The following THSD7A variants were observed in gnomAD, a reference collection of about 807,000 sequenced individuals.
THSD7A encodes thrombospondin type-1 domain-containing protein 7A.
In THSD7A, 96 loss-of-function variants were observed where a neutral mutation model predicts 231.3. The ratio of observed to expected loss-of-function variants is 0.41; its 90% confidence interval spans 0.35 to 0.49. The LOEUF (loss-of-function observed/expected upper bound fraction) is 0.49. Ranked by LOEUF, THSD7A falls within the 20% of genes least tolerant of loss-of-function variation. The probability of loss-of-function intolerance (pLI) is 0.05; values close to 1 mark genes in which losing one functional copy is unlikely to be tolerated. For synonymous variants in THSD7A, 940 were observed against 743.3 expected (o/e 1.26, Z -4.30); for missense variants, 2,290 against 2,070.2 (o/e 1.11, Z -2.06).
rs768925469 is a variant in THSD7A at position 11,590,450 on chromosome 7, C to G, written c.1453+10G>C. 15 of 1,603,752 alleles carry G rather than the reference C, an allele frequency of 9.4e-6. No individual in the cohort carries two copies. The highest frequency in any genetic ancestry group is 1.7e-5 in the Admixed American group (1 of 58,654). ...CATAAGTGAATCCTTGAGAAGAAAGCAAAGGTTACCTTCTTTGTTCTTGTG... is the reference window on the plus strand; with the variant it reads ...CATAAGTGAATCCTTGAGAAGAAAGGAAAGGTTACCTTCTTTGTTCTTGTG... On this transcript the variant is annotated intron_variant, in intron 4 of 27. Transcript: ENST00000423059. The surrounding 1 kb of genome is among the most constrained non-coding windows in gnomAD (Gnocchi z 4.4).
intron 1 of THSD7A, among the ~76,000 whole-genome samples, chr7:11,759,649 C>CGT (rs1225062109): frequency 1.3e-5 from 2 of 151,994 alleles, no homozygotes; most frequent in East Asian, 3.9e-4. Context: ...TACACATACA[C>CGT]ATATACACAC....
chr7:11,770,933 A>G (rs775206465), intron 1 of THSD7A, among the ~76,000 whole-genome samples: 1 of 151,836 alleles, frequency 6.6e-6, no homozygotes, highest in Non-Finnish European at 1.5e-5. Flanking sequence ...ATCCATTAAT[A>G]TACAATAAAT....
At chr7:11,786,745 T>C (rs1783804609) in intron 1 of THSD7A, among the ~76,000 whole-genome samples, 1 of 137,430 alleles carries the variant, frequency 7.3e-6, no homozygotes, top group Non-Finnish European at 1.5e-5. Flanking sequence ...ACCCTAAAAC[T>C]TAGAGTATAA....
At chr7:11,460,436 A>G (rs1785462042) in intron 11 of THSD7A, among the ~76,000 whole-genome samples, 1 of 152,196 alleles carries the variant, frequency 6.6e-6, no homozygotes, top group Admixed American at 6.5e-5. Context: ...TTTCTTTCAG[A>G]CATAAATGAG....
At chr7:11,684,678 G>A (rs1324203533) in intron 1 of THSD7A, among the ~76,000 whole-genome samples, 1 of 151,902 alleles carries the variant, frequency 6.6e-6, no homozygotes, top group East Asian at 1.9e-4. Flanking sequence ...AACCAAGCAG[G>A]TGAAAGATCT....
intron 6 of THSD7A, among the ~76,000 whole-genome samples, chr7:11,522,295 G>T (rs921950496): frequency 2.0e-5 from 3 of 152,042 alleles, no homozygotes; most frequent in African/African-American, 7.2e-5. Context: ...GTTTCCCCAA[G>T]GCCATGGGCA....
intron 23 of THSD7A, among the ~76,000 whole-genome samples, chr7:11,393,176 G>A (rs1019632155): frequency 2.0e-5 from 3 of 152,222 alleles, no homozygotes; most frequent in African/African-American, 7.2e-5. Flanking sequence ...CTGGGATGAA[G>A]TTTTCAGAGG....
chr7:11,665,410 A>T (rs542615798), intron 1 of THSD7A, among the ~76,000 whole-genome samples: 1 of 152,234 alleles, frequency 6.6e-6, no homozygotes, highest in East Asian at 1.9e-4. Flanking sequence ...CTAAAACCCC[A>T]GAGGAAAATA....
At position 11,637,081 on chromosome 7, in the gene THSD7A, A is replaced by C; in HGVS notation, c.191-120T>G. ...TAACTTCCCTGCGGTGTTACAAAGT[A>C]GGTCTCTGGACACGACTGTTGGAAA... On this transcript the variant is annotated intron_variant, in intron 1 of 27. Coordinates refer to ENST00000423059, the MANE Select transcript of THSD7A (RefSeq NM_015204.3). This position sits in a 1 kb window ranked among gnomAD's most constrained non-coding sequence, Gnocchi z 4.2. The C allele has an allele frequency of 2.2e-6, 2 of 901,944 alleles. No homozygotes were observed. Among genetic ancestry groups the C allele is most frequent in the Non-Finnish European group, 3.3e-6 (2 of 604,666 alleles). The allele number at this position is 901,944 out of a possible 1,614,324, so 55.9% of individuals were successfully genotyped here. A position where few individuals can be genotyped will look rare whatever the true frequency, so the allele number is the denominator to read the frequency against.
chr7:11,698,858 G>T (rs1456305067), intron 1 of THSD7A, among the ~76,000 whole-genome samples: 1 of 151,314 alleles, frequency 6.6e-6, no homozygotes, highest in African/African-American at 2.4e-5. Context: ...CGTAGAAGTG[G>T]AGAATCAGAT....
intron 6 of THSD7A, among the ~76,000 whole-genome samples, chr7:11,515,490 A>T (rs1238588391): frequency 6.6e-6 from 1 of 152,164 alleles, no homozygotes; most frequent in African/African-American, 2.4e-5. Context: ...GCCATAAATA[A>T]GCACAATATC....
chr7:11,428,708 C>G (rs1006443952), intron 14 of THSD7A, among the ~76,000 whole-genome samples: 1 of 152,092 alleles, frequency 6.6e-6, no homozygotes, highest in African/African-American at 2.4e-5. Context: ...TGTCATTTTT[C>G]TCCCCATTGA....
intron 1 of THSD7A, among the ~76,000 whole-genome samples, chr7:11,683,919 CA>C (rs986669307): frequency 2.2e-4 from 33 of 151,518 alleles, no homozygotes; most frequent in African/African-American, 8.0e-4. Context: ...GACACAATAA[CA>C]ACAACAACAA....
intron 4 of THSD7A, among the ~76,000 whole-genome samples, chr7:11,552,670 G>C (rs1412259170): frequency 1.3e-5 from 2 of 152,096 alleles, no homozygotes; most frequent in Non-Finnish European, 2.9e-5. Flanking sequence ...TTGAGCTGCA[G>C]TCATAGAAGC....
chr7:11,439,306 G>A (rs575610453), intron 13 of THSD7A, among the ~76,000 whole-genome samples: 20 of 152,028 alleles, frequency 1.3e-4, no homozygotes, highest in African/African-American at 3.9e-4. Flanking sequence ...TTTGCAGATC[G>A]TGCATTTTTT....
intron 4 of THSD7A, among the ~76,000 whole-genome samples, chr7:11,555,343 T>G (rs975090504): frequency 6.6e-6 from 1 of 152,030 alleles, no homozygotes; most frequent in African/African-American, 2.4e-5. Flanking sequence ...CACACATTGA[T>G]TGTTTAGAAG....
At chr7:11,691,311 A>G (rs1700836856) in intron 1 of THSD7A, among the ~76,000 whole-genome samples, 2 of 151,572 alleles carry the variant, frequency 1.3e-5, no homozygotes. Context: ...AGGTATTACC[A>G]TGCAAGTTGC....
chr7:11,488,371 A>C (rs956242864), intron 6 of THSD7A, among the ~76,000 whole-genome samples: 1 of 152,074 alleles, frequency 6.6e-6, no homozygotes, highest in African/African-American at 2.4e-5. Flanking sequence ...TCTAGAAAAC[A>C]TTTTCATATA....
At chr7:11,528,938 A>G (rs1326275520) in intron 6 of THSD7A, among the ~76,000 whole-genome samples, 10 of 152,152 alleles carry the variant, frequency 6.6e-5, no homozygotes, top group Non-Finnish European at 4.4e-5. Context: ...AGCTTTCTTA[A>G]TTATATTTAA....
Sources: gnomAD v4.1 joint callset for allele counts (sites outside exome capture counted in the v4.1 genomes callset) on GRCh38, gnomAD v4.1.1 for gene constraint, Gnocchi (gnomAD v3.1) non-coding constraint, MANE v1.5 for transcripts, NCBI Gene and HGNC (gene_info 2026-07-23, HGNC 2026-07-21) for gene names.